The following NSD3 variants were observed in gnomAD, a reference collection of about 807,000 sequenced individuals.
The protein encoded by NSD3 is nuclear receptor binding SET domain protein 3.
NSD3 carries 24 observed loss-of-function variants against 160.8 expected under a neutral mutation model. That is an observed-to-expected ratio of 0.15 (90% CI 0.11 to 0.21). The LOEUF is 0.21. NSD3 is among the 10% of genes least tolerant of loss of function. NSD3 has a pLI of 1.00. For missense variants in NSD3, 1,157 were observed against 1,735.9 expected, an observed-to-expected ratio of 0.67 and a Z score of 5.93; for synonymous variants, 520 against 600.0, an observed-to-expected ratio of 0.87 and a Z score of 1.95.
chr8:38,349,737 C>T (rs1208961572), intron 1 of NSD3, among the ~76,000 whole-genome samples: 5 of 143,038 alleles, frequency 3.5e-5, no homozygotes. Context: ...GCACAATGTG[C>T]AGGTTTGTTA....
intron 16 of NSD3, among the ~76,000 whole-genome samples, chr8:38,293,887 C>T (rs1809067766): frequency 1.8e-5 from 2 of 112,026 alleles, no homozygotes; most frequent in Non-Finnish European, 3.3e-5. Flanking sequence ...CATATCACTA[C>T]ATCCCAGCCT....
At chr8:38,337,019 G>A (rs978752565) in intron 4 of NSD3, among the ~76,000 whole-genome samples, 3 of 151,516 alleles carry the variant, frequency 2.0e-5, no homozygotes, top group African/African-American at 7.3e-5. Context: ...GCGGGTGCCT[G>A]TAATCCCAGC....
At chr8:38,315,297 C>A in intron 11 of NSD3, 119 bp downstream of exon 11, 1 of 1,242,340 alleles carries the variant, frequency 8.0e-7, no homozygotes, top group Non-Finnish European at 1.1e-6. Flanking sequence ...ATATCTGTAG[C>A]TTTAAAGTAA....
rs960120595 is a variant in NSD3, at chr8:38,319,831, A to G, written c.1810-891T>C. The stretch of plus-strand genomic sequence containing the variant: ...AACAGAAACGCTTTTATAAGATACA[A>G]TTAGTAATACAAATATAAAATCTTC... On this transcript the variant is annotated intron_variant, in intron 8 of 23. Transcript: ENST00000317025. The surrounding 1 kb of genome is among the most constrained non-coding windows in gnomAD (Gnocchi z 4.1). The G allele has an allele frequency of 2.0e-5, 3 of 152,226 alleles. No individual in the cohort carries two copies. Among genetic ancestry groups the G allele is most frequent in the African/African-American group, 7.2e-5 (3 of 41,466 alleles). 9.4% of individuals were successfully genotyped at this position (152,226 alleles called of 1,614,324 possible).
intron 1 of NSD3, among the ~76,000 whole-genome samples, chr8:38,380,001 G>A (rs1811495713): frequency 6.6e-6 from 1 of 152,164 alleles, no homozygotes; most frequent in Non-Finnish European, 1.5e-5. Context: ...TTTCCTGAGA[G>A]TCAACTGAAG....
At chr8:38,331,316 AG>A (rs1810056148) in intron 5 of NSD3, 114 bp downstream of exon 5, 1 of 1,208,918 alleles carries the variant, frequency 8.3e-7, no homozygotes, top group Non-Finnish European at 1.1e-6. Context: ...AACAGCTGAA[AG>A]GGGTTTAAAA....
chr8:38,277,071 AG>A (rs1808618503), intron 22 of NSD3, among the ~76,000 whole-genome samples: 1 of 151,996 alleles, frequency 6.6e-6, no homozygotes. Context: ...CCTCCCGAGT[AG>A]CTGGGACTAC....
At chr8:38,367,514 C>A (rs1484688917) in intron 1 of NSD3, among the ~76,000 whole-genome samples, 1 of 152,098 alleles carries the variant, frequency 6.6e-6, no homozygotes, top group Non-Finnish European at 1.5e-5. Flanking sequence ...CAGTTCAAGA[C>A]AAGCCTGGCC....
In NSD3 at chr8:38,314,735, C is replaced by T; in HGVS notation, c.2154G>A (p.Glu718=). ...GGTGAAAGTGTTTGCAGCACTCTCC[C>T]TCACAAGGAATCAGAGAGTCACCAG... ...ESSGDSLIPC[E]GECCKHFHLE... Residue 718 remains glutamate (E), a synonymous_variant, in exon 12 of 24, where the codon GAG becomes GAA. Coordinates refer to ENST00000317025, the MANE Select transcript of NSD3 (RefSeq NM_023034.2). 1 of 1,614,194 alleles carries T rather than the reference C, an allele frequency of 6.2e-7. No individual in the cohort carries two copies. The highest frequency in any genetic ancestry group is 8.5e-7 in the Non-Finnish European group (1 of 1,180,018).
chr8:38,331,686 C>A (rs1332454316), intron 4 of NSD3, 101 bp from the exon 5 acceptor site: 3 of 1,215,574 alleles, frequency 2.5e-6, no homozygotes, highest in Middle Eastern at 2.0e-4. Flanking sequence ...ATTACTCCCA[C>A]TAAAACTTGT....
chr8:38,290,757 A>G, intron 16 of NSD3, 80 bp from the exon 17 acceptor site: 3 of 1,482,628 alleles, frequency 2.0e-6, no homozygotes, highest in Non-Finnish European at 2.8e-6. Context: ...CAGAAGGGAA[A>G]AAAGTTTTTG....
chr8:38,297,337 T>C (rs1809175427), intron 15 of NSD3, among the ~76,000 whole-genome samples: 2 of 152,232 alleles, frequency 1.3e-5, no homozygotes, highest in Non-Finnish European at 2.9e-5. Context: ...ATTTCTAATA[T>C]GTATTTCAAT....
In NSD3 at chr8:38,275,273, G is replaced by A; in HGVS notation, c.*368C>T. 1 of 259,894 alleles carries A rather than the reference G, an allele frequency of 3.8e-6. No homozygotes were observed. The highest frequency in any genetic ancestry group is 5.7e-5 in the East Asian group (1 of 17,570). 16.1% of individuals were successfully genotyped at this position (259,894 alleles called of 1,614,324 possible). On this transcript the variant is annotated 3_prime_UTR_variant, in exon 24 of 24. Coordinates refer to ENST00000317025, the MANE Select transcript of NSD3 (RefSeq NM_023034.2). ...AAATAAAGGAATGATGGCTACTTTTGCTTTATACAACCAAGGAACACATCT... is the reference window on the plus strand; with the variant it reads ...AAATAAAGGAATGATGGCTACTTTTACTTTATACAACCAAGGAACACATCT...
chr8:38,308,056 C>T (rs944455697), intron 12 of NSD3, among the ~76,000 whole-genome samples: 6 of 152,174 alleles, frequency 3.9e-5, no homozygotes, highest in African/African-American at 1.4e-4. Flanking sequence ...TGAATATCAT[C>T]TTTCGAAAGT....
chr8:38,282,226 T>A (rs1326021548), intron 19 of NSD3, among the ~76,000 whole-genome samples: 1 of 152,220 alleles, frequency 6.6e-6, no homozygotes, highest in East Asian at 1.9e-4. Flanking sequence ...GATCATGTAA[T>A]CACCACTGCA....
At chr8:38,374,784 C>G (rs1030249690) in intron 1 of NSD3, among the ~76,000 whole-genome samples, 14 of 152,080 alleles carry the variant, frequency 9.2e-5, no homozygotes, top group Non-Finnish European at 2.1e-4. Context: ...GTGGATGGAT[C>G]ACGAGGTCAG....
chr8:38,325,141 G>T (rs1809877042), intron 7 of NSD3, among the ~76,000 whole-genome samples: 1 of 152,196 alleles, frequency 6.6e-6, no homozygotes, highest in Non-Finnish European at 1.5e-5. Flanking sequence ...AAGCTCTGAA[G>T]CCCCAGACTT....
At chr8:38,276,641 A>C (rs986654263) in intron 22 of NSD3, 141 bp from the exon 23 acceptor site, 2 of 776,590 alleles carry the variant, frequency 2.6e-6, no homozygotes, top group Non-Finnish European at 4.1e-6. Flanking sequence ...CTTATGCTGC[A>C]ACAAATACTA....
chr8:38,290,130 C>T (rs922782414), intron 17 of NSD3, among the ~76,000 whole-genome samples: 1 of 151,718 alleles, frequency 6.6e-6, no homozygotes, highest in African/African-American at 2.4e-5. Context: ...GCAAGAGGAT[C>T]ACTTGAGCCC....
Sources: allele counts gnomAD v4.1 joint callset (sites outside exome capture counted in the v4.1 genomes callset), GRCh38; gene constraint gnomAD v4.1.1; non-coding constraint Gnocchi (gnomAD v3.1); transcripts MANE v1.5; gene names NCBI Gene and HGNC (gene_info 2026-07-23, HGNC 2026-07-21).